The following FMNL2 variants were observed in gnomAD, a reference collection of about 807,000 sequenced individuals.
The protein encoded by FMNL2 is formin like 2.
A neutral mutation model predicts 130.2 loss-of-function variants in FMNL2; 51 were observed. The observed-to-expected ratio is 0.39, with a 90% CI of 0.31 to 0.49. FMNL2 has a LOEUF of 0.49. Ranked by LOEUF, FMNL2 falls within the 20% of genes least tolerant of loss-of-function variation. The pLI, the probability that FMNL2 is intolerant of heterozygous loss-of-function variation, is 0.85. For missense variants in FMNL2, 977 were observed against 1,316.2 expected, an observed-to-expected ratio of 0.74 and a Z score of 3.99; for synonymous variants, 465 against 467.1, an observed-to-expected ratio of 1.00 and a Z score of 0.06.
rs141029660 is a variant in FMNL2, at chr2:152,524,777, G to T, written c.201+2751G>T. On this transcript the variant is annotated intron_variant, in intron 2 of 25. Transcript: ENST00000288670. Reference sequence around the variant, plus strand: ...GGTTTTGGAGCTTTGGCCATTTCCCGTAAGTTTAGAACTCTTAGCACAGTG... The same window carrying T: ...GGTTTTGGAGCTTTGGCCATTTCCCTTAAGTTTAGAACTCTTAGCACAGTG... Among the ~76,000 whole-genome samples, 15 of 152,260 alleles carry T rather than the reference G, an allele frequency of 9.9e-5. No homozygotes were observed. The East Asian group carries it at 2.9e-3, about 29-fold the overall frequency.
intron 1 of FMNL2, among the ~76,000 whole-genome samples, chr2:152,367,085 T>G (rs1683601900): frequency 1.3e-5 from 2 of 151,408 alleles, no homozygotes; most frequent in Admixed American, 6.6e-5. Flanking sequence ...TTGTTTTTTT[T>G]TTTTTTCCCA....
chr2:152,626,013 T>A (rs1333863416), intron 16 of FMNL2, among the ~76,000 whole-genome samples: 1 of 150,788 alleles, frequency 6.6e-6, no homozygotes, highest in African/African-American at 2.5e-5. Context: ...CACTTATTTT[T>A]TTATTTTATT....
chr2:152,392,406 G>A (rs1293560709), intron 1 of FMNL2, among the ~76,000 whole-genome samples: 1 of 152,136 alleles, frequency 6.6e-6, no homozygotes, highest in South Asian at 2.1e-4. Context: ...TTTTCCTCCT[G>A]TTTCAGTCTG....
At chr2:152,537,786 A>G (rs1181389767) in intron 2 of FMNL2, among the ~76,000 whole-genome samples, 1 of 152,192 alleles carries the variant, frequency 6.6e-6, no homozygotes, top group Non-Finnish European at 1.5e-5. Context: ...ATTCAAGATG[A>G]GCATGCTTAT....
chr2:152,578,995 A>T (rs1448157406), intron 8 of FMNL2, 31 bp downstream of exon 8: 2 of 1,573,480 alleles, frequency 1.3e-6, no homozygotes, highest in South Asian at 2.3e-5. Context: ...GCAAGTCTAA[A>T]TCTATCTAGA....
chr2:152,497,683 TG>T (rs1691587149), intron 1 of FMNL2, among the ~76,000 whole-genome samples: 1 of 152,180 alleles, frequency 6.6e-6, no homozygotes, highest in Non-Finnish European at 1.5e-5. Context: ...ACTTGAAAGG[TG>T]GTATTTTTTG....
chr2:152,620,187 G>A (rs866293291), intron 15 of FMNL2, among the ~76,000 whole-genome samples: 3 of 151,924 alleles, frequency 2.0e-5, no homozygotes, highest in Non-Finnish European at 4.4e-5. Flanking sequence ...ATTGCCTGAC[G>A]TAGGCTTCCA....
In FMNL2 at chr2:152,460,281, A is replaced by G. The variant is rs148825503; in HGVS notation, c.118-61662A>G. 1.2e-3 allele frequency among the ~76,000 whole-genome samples: 190 copies of G among 152,296 alleles called. 1 individual carries two copies. Among genetic ancestry groups the G allele is most frequent in the African/African-American group, 4.4e-3 (182 of 41,574 alleles). ...AACTAAATTGAAATATTGGTAATTAATGTGTTTATTTGGTTTCATATGTTT... is the reference window on the plus strand; with the variant it reads ...AACTAAATTGAAATATTGGTAATTAGTGTGTTTATTTGGTTTCATATGTTT... On this transcript the variant is annotated intron_variant, in intron 1 of 25. Transcript: ENST00000288670.
chr2:152,434,118 G>T (rs1407975681), intron 1 of FMNL2, among the ~76,000 whole-genome samples: 1 of 152,140 alleles, frequency 6.6e-6, no homozygotes, highest in Non-Finnish European at 1.5e-5. Flanking sequence ...AATTTTTTTA[G>T]AAGGACTCTT....
chr2:152,363,572 T>TC (rs1491380444), intron 1 of FMNL2, among the ~76,000 whole-genome samples: 17 of 144,624 alleles, frequency 1.2e-4, no homozygotes, highest in South Asian at 2.1e-4. Context: ...CTTTTTTTTT[T>TC]CCCCCCCAAG....
chr2:152,403,403 T>G (rs1685815596), intron 1 of FMNL2, among the ~76,000 whole-genome samples: 1 of 152,158 alleles, frequency 6.6e-6, no homozygotes, highest in African/African-American at 2.4e-5. Context: ...TTCTTCCCCA[T>G]TTATGTATTC....
intron 1 of FMNL2, among the ~76,000 whole-genome samples, chr2:152,342,280 A>G (rs564473202): frequency 6.6e-6 from 1 of 152,348 alleles, no homozygotes; most frequent in South Asian, 2.1e-4. Flanking sequence ...TAATACAAGA[A>G]GCACTGATTA....
chr2:152,481,058 T>C (rs967959317), intron 1 of FMNL2, among the ~76,000 whole-genome samples: 1 of 152,264 alleles, frequency 6.6e-6, no homozygotes, highest in Non-Finnish European at 1.5e-5. Flanking sequence ...AGCATATGTA[T>C]GTGCTTGTGC....
At chr2:152,575,545 A>G (rs1349748474) in intron 7 of FMNL2, among the ~76,000 whole-genome samples, 1 of 152,210 alleles carries the variant, frequency 6.6e-6, no homozygotes, top group Non-Finnish European at 1.5e-5. Flanking sequence ...TTCTATTAAA[A>G]AAGAAAGGCC....
At chr2:152,511,936 A>C (rs190113916) in intron 1 of FMNL2, among the ~76,000 whole-genome samples, 29 of 152,322 alleles carry the variant, frequency 1.9e-4, no homozygotes, top group African/African-American at 7.0e-4. Context: ...CAGTTATCAA[A>C]TTGAGTTTAC....
At chr2:152,607,063 A>C (rs2105845635) in intron 9 of FMNL2, among the ~76,000 whole-genome samples, 1 of 149,346 alleles carries the variant, frequency 6.7e-6, no homozygotes, top group South Asian at 2.1e-4. Flanking sequence ...GTATGCTAAA[A>C]AATTCGTGAG....
intron 1 of FMNL2, among the ~76,000 whole-genome samples, chr2:152,415,939 G>A (rs1470343828): frequency 6.6e-6 from 1 of 152,182 alleles, no homozygotes; most frequent in African/African-American, 2.4e-5. Flanking sequence ...CCAGATAAGT[G>A]CAAGAGCTGA....
chr2:152,472,187 A>C lies in FMNL2; in HGVS notation c.118-49756A>C, dbSNP rs185406442. On this transcript the variant is annotated intron_variant, in intron 1 of 25. Coordinates refer to ENST00000288670, the MANE Select transcript of FMNL2 (RefSeq NM_052905.4). ...TTGATGAACCAAGCATATCATAATTATCCTTTATTGAAATAGAAACCTCCC... is the reference window on the plus strand; with the variant it reads ...TTGATGAACCAAGCATATCATAATTCTCCTTTATTGAAATAGAAACCTCCC... 1.6e-4 allele frequency among the ~76,000 whole-genome samples: 25 copies of C among 152,354 alleles called. No homozygotes were observed. In the Middle Eastern group the frequency reaches 0.01, roughly 62 times the overall value.
At chr2:152,335,783 C>T in intron 1 of FMNL2, 63 bp downstream of exon 1, 1 of 1,185,996 alleles carries the variant, frequency 8.4e-7, no homozygotes, top group East Asian at 3.2e-5. Flanking sequence ...GCGCAGCTGA[C>T]CCCCGCCCCT....
Sources: allele counts gnomAD v4.1 joint callset (sites outside exome capture counted in the v4.1 genomes callset), GRCh38; gene constraint gnomAD v4.1.1; transcripts MANE v1.5; gene names NCBI Gene and HGNC (gene_info 2026-07-23, HGNC 2026-07-21).